The following TPX2 variants were observed in gnomAD, a reference collection of about 807,000 sequenced individuals.
TPX2 encodes the protein targeting protein for Xklp2.
TPX2 carries 21 observed loss-of-function variants against 93.6 expected under a neutral mutation model. That is an observed-to-expected ratio of 0.22 (90% CI 0.16 to 0.32). The LOEUF is 0.32. Among genes scored for constraint, TPX2 ranks in the 10% least tolerant of loss-of-function variants. The pLI is 1.00. For synonymous variants in TPX2, 281 were observed against 298.3 expected, an observed-to-expected ratio of 0.94 and a Z score of 0.60; for missense variants, 776 against 871.1, an observed-to-expected ratio of 0.89 and a Z score of 1.37.
At chr20:31,770,609 T>A in intron 6 of TPX2, 138 bp downstream of exon 6, 1 of 830,360 alleles carries the variant, frequency 1.2e-6, no homozygotes, top group Non-Finnish European at 1.7e-6. Flanking sequence ...ATGTTTGGTG[T>A]ACCTCAAGCT....
intron 8 of TPX2, among the ~76,000 whole-genome samples, chr20:31,776,853 C>T (rs1384735501): frequency 6.6e-6 from 1 of 152,032 alleles, no homozygotes; most frequent in Non-Finnish European, 1.5e-5. Flanking sequence ...AAAGTCTGTT[C>T]TTGGTCTTAG....
chr20:31,792,039 G>A (rs1022018659), intron 12 of TPX2, among the ~76,000 whole-genome samples: 5 of 152,200 alleles, frequency 3.3e-5, no homozygotes, highest in African/African-American at 7.2e-5. Context: ...TGAAATGTTA[G>A]CAGTGTTTTA....
chr20:31,767,420 G>A (rs2061934867), intron 5 of TPX2, among the ~76,000 whole-genome samples: 1 of 151,980 alleles, frequency 6.6e-6, no homozygotes, highest in Non-Finnish European at 1.5e-5. Context: ...ACCCAGGCTG[G>A]AGCTGGAGTG....
chr20:31,794,346 A>G, intron 14 of TPX2, 56 bp from the exon 15 acceptor site: 1 of 1,577,548 alleles, frequency 6.3e-7, no homozygotes, highest in Non-Finnish European at 8.6e-7. Flanking sequence ...ATTCTGGAGC[A>G]GCTATTGCTT....
chr20:31,740,088 T>C (rs1295819744), intron 1 of TPX2, among the ~76,000 whole-genome samples: 1 of 152,150 alleles, frequency 6.6e-6, no homozygotes, highest in East Asian at 1.9e-4. Context: ...TTTCTCAACA[T>C]TTATAGATTG....
chr20:31,757,301 A>T (rs2061858128), intron 2 of TPX2, 106 bp from the exon 3 acceptor site: 1 of 592,070 alleles, frequency 1.7e-6, no homozygotes, highest in Non-Finnish European at 3.0e-6. Flanking sequence ...AAGTAAGGCT[A>T]TTTTCAGTAA....
rs142774283 is a variant in TPX2, at chr20:31,800,394, A to G, written c.2134-576A>G. Reference sequence around the variant, plus strand: ...AGCAATTCTCAACATAACTGATGGCAACATTGTAAAGCACAATTCAGTCAA... The same window carrying G: ...AGCAATTCTCAACATAACTGATGGCGACATTGTAAAGCACAATTCAGTCAA... On this transcript the variant is annotated intron_variant, in intron 17 of 17. Coordinates refer to ENST00000300403, the MANE Select transcript of TPX2 (RefSeq NM_012112.5). Among the ~76,000 whole-genome samples the G allele has an allele frequency of 1.1e-4, 16 of 152,336 alleles. No homozygotes were observed. The East Asian group carries it at 3.1e-3, about 29-fold the overall frequency.
intron 2 of TPX2, among the ~76,000 whole-genome samples, chr20:31,752,044 A>ATTT (rs894463768): frequency 3.3e-5 from 5 of 150,842 alleles, no homozygotes; most frequent in African/African-American, 1.2e-4. Flanking sequence ...TGCCTGGCCT[A>ATTT]TTTTTTTTTA....
At chr20:31,771,383 A>C (rs1011461298) in intron 6 of TPX2, among the ~76,000 whole-genome samples, 177 bp from the exon 7 acceptor site, 13 of 152,212 alleles carry the variant, frequency 8.5e-5, no homozygotes, top group African/African-American at 2.2e-4. Context: ...AAGTTTACTC[A>C]TTGAAGCCAT....
intron 12 of TPX2, among the ~76,000 whole-genome samples, chr20:31,791,815 C>T (rs1257073180): frequency 1.3e-5 from 2 of 152,138 alleles, no homozygotes; most frequent in African/African-American, 4.8e-5. Flanking sequence ...CAAGAAATTA[C>T]TGAGGTTTTG....
At chr20:31,796,741 T>TAGGTG (rs1232359887) in intron 15 of TPX2, among the ~76,000 whole-genome samples, 2 of 151,944 alleles carry the variant, frequency 1.3e-5, no homozygotes, top group African/African-American at 4.8e-5. Flanking sequence ...GAATACTTTA[T>TAGGTG]AGGTGATACT....
At chr20:31,755,428 G>A (rs796843689) in intron 2 of TPX2, among the ~76,000 whole-genome samples, 2 of 152,100 alleles carry the variant, frequency 1.3e-5, no homozygotes, top group South Asian at 2.1e-4. Context: ...GTGATTACTG[G>A]CATCTACCTC....
At position 31,798,428 on chromosome 20, in the gene TPX2, A is replaced by G. The variant is rs977471895; in HGVS notation, c.2009A>G (p.Glu670Gly). ...CTGGCTACTGAGAAGAGAGCCAAAG[A>G]GCGGCAGGAGCTGGAGAAGAGAATG... ...FQLATEKRAKERQELEKRMAE... is the reference protein window; with the variant it reads ...FQLATEKRAKGRQELEKRMAE... Residue 670 changes from glutamate to glycine, a missense_variant, in exon 17 of 18, where the codon GAG (glutamate) becomes GGG (glycine). By Grantham distance (98) the Glu-to-Gly change is moderately conservative (BLOSUM62 -2). Coordinates refer to ENST00000300403, the MANE Select transcript of TPX2 (RefSeq NM_012112.5). 2 of 1,614,098 alleles carry G rather than the reference A, an allele frequency of 1.2e-6. No individual in the cohort carries two copies. Among genetic ancestry groups the G allele is most frequent in the Non-Finnish European group, 1.7e-6 (2 of 1,180,042 alleles).
intron 11 of TPX2, among the ~76,000 whole-genome samples, chr20:31,783,157 GCTT>G (rs2062044484): frequency 6.6e-6 from 1 of 152,128 alleles, no homozygotes; most frequent in East Asian, 1.9e-4. Flanking sequence ...AGGAGGGGGA[GCTT>G]CTTCTGTGAA....
chr20:31,789,698 A>G (rs546265587), intron 12 of TPX2, among the ~76,000 whole-genome samples: 1 of 152,126 alleles, frequency 6.6e-6, no homozygotes, highest in South Asian at 2.1e-4. Flanking sequence ...GTTAACTTTG[A>G]TGGAAGGGGG....
rs140447610 is a variant in TPX2, at chr20:31,758,635, G to T, written c.106+1053G>T. 8.0e-4 allele frequency among the ~76,000 whole-genome samples: 122 copies of T among 152,338 alleles called. No homozygotes were observed. The East Asian group carries it at 0.011, about 14-fold the overall frequency. On this transcript the variant is annotated intron_variant, in intron 3 of 17. Coordinates refer to ENST00000300403, the MANE Select transcript of TPX2 (RefSeq NM_012112.5). ...TATGAATATGTGGTGGGGAACAGAA[G>T]TGAGTCCATTGCAGCTGTACTTATC...
At chr20:31,765,630 T>C (rs567075296) in intron 4 of TPX2, among the ~76,000 whole-genome samples, 2 of 152,272 alleles carry the variant, frequency 1.3e-5, no homozygotes, top group South Asian at 2.1e-4. Context: ...TAATGCCTGA[T>C]AGTATGATTA....
chr20:31,746,830 A>G (rs1255783148), intron 2 of TPX2, among the ~76,000 whole-genome samples: 1 of 152,234 alleles, frequency 6.6e-6, no homozygotes, highest in Non-Finnish European at 1.5e-5. Flanking sequence ...GGAACAGGTT[A>G]CATTGCTTTG....
intron 13 of TPX2, among the ~76,000 whole-genome samples, chr20:31,793,294 G>T (rs933093843): frequency 3.3e-5 from 5 of 152,224 alleles, no homozygotes; most frequent in African/African-American, 1.2e-4. Flanking sequence ...TATATAAACT[G>T]TCATTGGTCA....
Sources: gnomAD v4.1 joint callset for allele counts (sites outside exome capture counted in the v4.1 genomes callset) on GRCh38, gnomAD v4.1.1 for gene constraint, MANE v1.5 for transcripts, NCBI Gene and HGNC (gene_info 2026-07-23, HGNC 2026-07-21) for gene names.